GMCL1: variants seen among roughly 807,000 people sequenced by gnomAD.
GMCL1 encodes the protein germ cell-less protein-like 1.
GMCL1 carries 54 observed loss-of-function variants against 75.5 expected under a neutral mutation model. The ratio of observed to expected loss-of-function variants is 0.71; its 90% confidence interval spans 0.57 to 0.90. The LOEUF (loss-of-function observed/expected upper bound fraction) is 0.90. Among genes scored for constraint, GMCL1 ranks in the 40% least tolerant of loss-of-function variants. GMCL1 has a pLI of 0.00. For missense variants in GMCL1, 537 were observed against 622.7 expected, an observed-to-expected ratio of 0.86 and a Z score of 1.47; for synonymous variants, 210 against 209.6, an observed-to-expected ratio of 1.00 and a Z score of -0.02.
intron 1 of GMCL1, among the ~76,000 whole-genome samples, chr2:69,831,816 C>A (rs896324913): frequency 2.0e-5 from 3 of 152,168 alleles, no homozygotes; most frequent in African/African-American, 7.2e-5. Flanking sequence ...GTTGCCCACC[C>A]AGGCTGGCCT....
Position 69,863,978 on chromosome 2 carries a change from C to G in GMCL1, c.1143-922C>G, listed in dbSNP as rs536627130. On this transcript the variant is annotated intron_variant, in intron 10 of 13. Coordinates refer to ENST00000282570, the MANE Select transcript of GMCL1 (RefSeq NM_178439.5). ...CTCCACCCCACCCAACAAGCTTCCA[C>G]TCGGGCACAAATAATATTTACTCTC... Among the ~76,000 whole-genome samples, 4 of 152,200 alleles carry G rather than the reference C, an allele frequency of 2.6e-5. No homozygotes were observed. The South Asian group carries it at 8.3e-4, about 32-fold the overall frequency.
At chr2:69,869,686 A>G (rs375380208) in intron 11 of GMCL1, 33 bp from the exon 12 acceptor site, 19 of 1,599,030 alleles carry the variant, frequency 1.2e-5, no homozygotes, top group Non-Finnish European at 1.6e-5. Flanking sequence ...AATATGATAA[A>G]CTGAAATAAG....
At position 69,869,703 on chromosome 2, in the gene GMCL1, CTCTT is replaced by C; in HGVS notation, c.1219-15_1219-12del. The C allele has an allele frequency of 2.5e-6, 4 of 1,610,854 alleles. No individual in the cohort carries two copies. Among genetic ancestry groups the C allele is most frequent in the Non-Finnish European group, 3.4e-6 (4 of 1,178,462 alleles). On this transcript the variant is annotated splice_polypyrimidine_tract_variant and intron_variant, in intron 11 of 13. Transcript: ENST00000282570. ...TATGATAAACTGAAATAAGTCTTCT[CTCTT>C]GTATTTTTTAGTACTGCTGGCGTTG...
intron 11 of GMCL1, among the ~76,000 whole-genome samples, chr2:69,867,326 A>G (rs1233163791): frequency 6.6e-6 from 1 of 151,590 alleles, no homozygotes; most frequent in Non-Finnish European, 1.5e-5. Context: ...TCCTTCCCCC[A>G]TGCTCTTGTG....
At chr2:69,863,555 C>T (rs1573366205) in intron 10 of GMCL1, among the ~76,000 whole-genome samples, 1 of 152,246 alleles carries the variant, frequency 6.6e-6, no homozygotes, top group East Asian at 1.9e-4. Context: ...TATTTGATGA[C>T]AGTTAAGGGA....
At chr2:69,870,146 C>A (rs1035004585) in intron 12 of GMCL1, among the ~76,000 whole-genome samples, 2 of 150,442 alleles carry the variant, frequency 1.3e-5, no homozygotes, top group Non-Finnish European at 3.0e-5. Context: ...ATAAAAGATC[C>A]AGACTGTTGA....
chr2:69,848,730 G>A (rs1348564182), intron 7 of GMCL1, among the ~76,000 whole-genome samples: 2 of 152,170 alleles, frequency 1.3e-5, no homozygotes, highest in African/African-American at 4.8e-5. Context: ...CTTACAGGAT[G>A]TTTACGTGCC....
chr2:69,853,235 T>C (rs564554307), intron 8 of GMCL1, among the ~76,000 whole-genome samples: 1 of 152,342 alleles, frequency 6.6e-6, no homozygotes, highest in Non-Finnish European at 1.5e-5. Context: ...ATTCAACATA[T>C]GAACTGGAAC....
chr2:69,873,622 A>G (rs915235308), intron 13 of GMCL1: 1 of 158,676 alleles, frequency 6.3e-6, no homozygotes, highest in African/African-American at 2.4e-5. Context: ...CCAGCTGAAC[A>G]TGGGCTTTCT....
chr2:69,861,464 G>T, intron 10 of GMCL1, 117 bp downstream of exon 10: 1 of 573,766 alleles, frequency 1.7e-6, no homozygotes, highest in African/African-American at 1.9e-5. Flanking sequence ...TTGAAGTAAA[G>T]ATCATATAAT....
At position 69,853,771 on chromosome 2, in the gene GMCL1, A is replaced by G. The variant is rs187183441; in HGVS notation, c.935-1052A>G. 3.9e-3 allele frequency among the ~76,000 whole-genome samples: 595 copies of G among 152,158 alleles called. 3 individuals carry two copies. Among genetic ancestry groups the G allele is most frequent in the Admixed American group, 6.2e-3 (94 of 15,280 alleles). ...CCTTAAATTCTCCCTAAAAGAAAAA[A>G]AATTATATACTTCATAAACTTGAAT... On this transcript the variant is annotated intron_variant, in intron 8 of 13. Coordinates refer to ENST00000282570, the MANE Select transcript of GMCL1 (RefSeq NM_178439.5).
At chr2:69,857,462 T>C (rs1412347905) in intron 9 of GMCL1, among the ~76,000 whole-genome samples, 1 of 152,214 alleles carries the variant, frequency 6.6e-6, no homozygotes, top group Non-Finnish European at 1.5e-5. Context: ...TTTCATTTCC[T>C]TCAGCAATTG....
In GMCL1 at chr2:69,847,559, C is replaced by T. The variant is rs755935802; in HGVS notation, c.775C>T (p.Gln259Ter). Reference sequence around the variant, plus strand: ...CCTTTTCAGTATAAATGTCATGAAACAGCTCATTGGTTCATCTAACTTATT... The same window carrying T: ...CCTTTTCAGTATAAATGTCATGAAATAGCTCATTGGTTCATCTAACTTATT... The part of the protein sequence containing the change: ...FKELSINVMK[Q>*]LIGSSNLFVM... The change falls in exon 7 of 14, where the codon CAG (glutamine) becomes TAG (stop). Residue 259 changes from glutamine (Q) to a stop codon, truncating the protein, a stop_gained. Coordinates refer to ENST00000282570, the MANE Select transcript of GMCL1 (RefSeq NM_178439.5). LOFTEE classifies it high-confidence loss of function. The T allele has an allele frequency of 1.2e-6, 2 of 1,607,422 alleles. No homozygotes were observed. Among genetic ancestry groups the T allele is most frequent in the East Asian group, 4.5e-5 (2 of 44,744 alleles).
At chr2:69,836,431 G>A (rs4401231) in intron 1 of GMCL1, among the ~76,000 whole-genome samples, 1 of 151,974 alleles carries the variant, frequency 6.6e-6, no homozygotes, top group Non-Finnish European at 1.5e-5. Flanking sequence ...TCTTGATTTC[G>A]CATCATAACG....
chr2:69,856,884 C>T (rs1675486258), intron 9 of GMCL1, among the ~76,000 whole-genome samples: 1 of 152,020 alleles, frequency 6.6e-6, no homozygotes, highest in East Asian at 1.9e-4. Context: ...ATTTCTCCCC[C>T]AATCCAGTCA....
chr2:69,851,697 A>G (rs978429226), intron 8 of GMCL1, among the ~76,000 whole-genome samples: 10 of 152,188 alleles, frequency 6.6e-5, no homozygotes, highest in Admixed American at 6.5e-4. Flanking sequence ...TGGGGGTGTC[A>G]GGGCTGCAGT....
At chr2:69,859,533 C>T (rs946643050) in intron 9 of GMCL1, among the ~76,000 whole-genome samples, 10 of 151,560 alleles carry the variant, frequency 6.6e-5, no homozygotes, top group African/African-American at 2.4e-4. Context: ...CCTGTAATCC[C>T]AGCACTTTAG....
Position 69,869,721 on chromosome 2 carries a change from C to G in GMCL1, c.1221C>G (p.Tyr407Ter). ...CGRKLAKDGE[Y>*]CWRWTGFNFG... is the part of the protein sequence containing the mutation. ...GTCTTCTCTCTTGTATTTTTTAGTA[C>G]TGCTGGCGTTGGACAGGTTTTAACT... Residue 407 changes from tyrosine (Y) to a stop codon, truncating the protein, a stop_gained and splice_region_variant, in exon 12 of 14, where the codon TAC becomes TAG. Coordinates refer to ENST00000282570, the MANE Select transcript of GMCL1 (RefSeq NM_178439.5). LOFTEE classifies it high-confidence loss of function. The G allele has an allele frequency of 6.2e-7, 1 of 1,613,126 alleles. No individual in the cohort carries two copies.
intron 10 of GMCL1, among the ~76,000 whole-genome samples, chr2:69,863,137 T>C (rs1224265742): frequency 1.3e-5 from 2 of 152,164 alleles, no homozygotes; most frequent in East Asian, 3.8e-4. Flanking sequence ...ACACATACTC[T>C]AGTCCCGCAG....
Sources: allele counts gnomAD v4.1 joint callset (sites outside exome capture counted in the v4.1 genomes callset), GRCh38; gene constraint gnomAD v4.1.1; transcripts MANE v1.5; gene names NCBI Gene and HGNC (gene_info 2026-07-23, HGNC 2026-07-21).